The following YWHAG variants were observed in gnomAD, a reference collection of about 807,000 sequenced individuals.
YWHAG encodes tyrosine 3-monooxygenase/tryptophan 5-monooxygenase activation protein gamma, also known as 14-3-3 protein gamma.
YWHAG carries 1 observed loss-of-function variant against 23.3 expected under a neutral mutation model. The observed-to-expected ratio is 0.04, with a 90% CI of 0.02 to 0.20. The LOEUF (loss-of-function observed/expected upper bound fraction) is 0.20. YWHAG is among the 10% of genes least tolerant of loss of function. YWHAG has a pLI of 1.00. For synonymous variants in YWHAG, 160 were observed against 144.0 expected (o/e 1.11, Z -0.80); for missense variants, 151 against 338.6 (o/e 0.45, Z 4.35).
chr7:76,340,168 CCTAA>C (rs928174063), intron 1 of YWHAG, among the ~76,000 whole-genome samples: 4 of 152,118 alleles, frequency 2.6e-5, no homozygotes, highest in Non-Finnish European at 5.9e-5. Context: ...TGATTGTGCC[CCTAA>C]CTCACACATT....
intron 1 of YWHAG, 132 bp downstream of exon 1, chr7:76,358,590 G>T: frequency 1.1e-6 from 1 of 904,534 alleles, no homozygotes; most frequent in Non-Finnish European, 1.6e-6. Flanking sequence ...ACCCTCCCCA[G>T]CCCCCCTCAG....
At chr7:76,334,963 T>C (rs1803596124) in intron 1 of YWHAG, among the ~76,000 whole-genome samples, 2 of 152,164 alleles carry the variant, frequency 1.3e-5, no homozygotes, top group African/African-American at 2.4e-5. Context: ...ATGTAGAAAG[T>C]TTCAGTTTTT....
intron 1 of YWHAG, among the ~76,000 whole-genome samples, chr7:76,340,414 T>A (rs1010786976): frequency 1.3e-5 from 2 of 152,228 alleles, no homozygotes; most frequent in Non-Finnish European, 2.9e-5. Context: ...TTTCCAGTGG[T>A]TTCATTCTTA....
Position 76,343,421 on chromosome 7 carries a change from C to T in YWHAG, c.88-13188G>A, listed in dbSNP as rs1319956630. ...TCTCTGCTTCTTCACATTAATATAACGCTCATACTCCACCCCTAGAATCTG... is the reference window on the plus strand; with the variant it reads ...TCTCTGCTTCTTCACATTAATATAATGCTCATACTCCACCCCTAGAATCTG... On this transcript the variant is annotated intron_variant, in intron 1 of 1. Coordinates refer to ENST00000307630, the MANE Select transcript of YWHAG (RefSeq NM_012479.4). Among the ~76,000 whole-genome samples, 5 of 152,190 alleles carry T rather than the reference C, an allele frequency of 3.3e-5. No individual in the cohort carries two copies. The South Asian group carries it at 8.3e-4, about 25-fold the overall frequency.
rs540534155 is a variant in YWHAG, at chr7:76,354,241, T to TG, written c.87+4480dup. 3.8e-3 allele frequency among the ~76,000 whole-genome samples: 572 copies of TG among 152,310 alleles called. 3 individuals are homozygous for TG. The highest frequency in any genetic ancestry group is 0.013 in the African/African-American group (542 of 41,570). On this transcript the variant is annotated intron_variant, in intron 1 of 1. Transcript: ENST00000307630. ...AAGTGGTCCTTGAGGCTGGGCACGG[T>TG]GGCTCACGCCTGTAATCCCAGCACT...
At chr7:76,347,132 G>C (rs968675705) in intron 1 of YWHAG, among the ~76,000 whole-genome samples, 10 of 152,114 alleles carry the variant, frequency 6.6e-5, no homozygotes, top group Admixed American at 5.9e-4. Flanking sequence ...TCCGTCTCCA[G>C]TAGCACAGCA....
intron 1 of YWHAG, among the ~76,000 whole-genome samples, chr7:76,330,442 C>A (rs750696946): frequency 2.6e-5 from 4 of 152,158 alleles, no homozygotes; most frequent in Non-Finnish European, 5.9e-5. Context: ...GGTGTCTGAA[C>A]CCTGGCTTCC....
chr7:76,353,646 T>C (rs1469102210), intron 1 of YWHAG, among the ~76,000 whole-genome samples: 2 of 152,218 alleles, frequency 1.3e-5, no homozygotes, highest in Non-Finnish European at 2.9e-5. Context: ...TTTTGGTAGT[T>C]AATCAAAATG....
At chr7:76,354,056 C>T (rs1232761544) in intron 1 of YWHAG, among the ~76,000 whole-genome samples, 1 of 94,818 alleles carries the variant, frequency 1.1e-5, no homozygotes, top group Non-Finnish European at 2.0e-5. Context: ...GAGACCTTGC[C>T]TCAAAAAAAA....
At chr7:76,341,353 G>C (rs1181456136) in intron 1 of YWHAG, among the ~76,000 whole-genome samples, 1 of 145,652 alleles carries the variant, frequency 6.9e-6, no homozygotes, top group Non-Finnish European at 1.5e-5. Context: ...GTAGTGAGCT[G>C]AGGTGGCGCC....
At chr7:76,344,770 A>G (rs2115628882) in intron 1 of YWHAG, among the ~76,000 whole-genome samples, 1 of 152,280 alleles carries the variant, frequency 6.6e-6, no homozygotes, top group Admixed American at 6.5e-5. Flanking sequence ...CTTACCCCAA[A>G]CCACACTCTT....
chr7:76,351,150 A>G (rs939174423), intron 1 of YWHAG, among the ~76,000 whole-genome samples: 19 of 152,128 alleles, frequency 1.2e-4, no homozygotes, highest in Non-Finnish European at 2.1e-4. Flanking sequence ...TTTCCCCCCG[A>G]AATTTCTAGC....
At chr7:76,341,594 G>A (rs111614062) in intron 1 of YWHAG, among the ~76,000 whole-genome samples, 2 of 151,980 alleles carry the variant, frequency 1.3e-5, no homozygotes, top group African/African-American at 2.4e-5. Flanking sequence ...ATGCTACACC[G>A]ATGATCTCGA....
At chr7:76,355,958 A>T (rs1011869719) in intron 1 of YWHAG, among the ~76,000 whole-genome samples, 1 of 152,252 alleles carries the variant, frequency 6.6e-6, no homozygotes, top group African/African-American at 2.4e-5. Context: ...CTGTCTTAAA[A>T]GACCTAACAT....
chr7:76,327,547 C>G lies in YWHAG; in HGVS notation c.*2030G>C, dbSNP rs1803463053. The G allele has an allele frequency of 6.6e-6, 1 of 152,422 alleles. No individual in the cohort carries two copies. The highest frequency in any genetic ancestry group is 2.4e-5 in the African/African-American group (1 of 41,340). 9.4% of individuals were successfully genotyped at this position (152,422 alleles called of 1,614,324 possible). A position where few individuals can be genotyped will look rare whatever the true frequency, so the allele number is the denominator to read the frequency against. On this transcript the variant is annotated 3_prime_UTR_variant, in exon 2 of 2. Coordinates refer to ENST00000307630, the MANE Select transcript of YWHAG (RefSeq NM_012479.4). The stretch of plus-strand genomic sequence containing the variant: ...TTCTAAAAAGCAGCCAGAGCCAAAG[C>G]TGAAATTTAAAGGAAAAATAGGTTT...
intron 1 of YWHAG, among the ~76,000 whole-genome samples, chr7:76,354,183 AAGT>A (rs1389462626): frequency 6.6e-6 from 1 of 152,170 alleles, no homozygotes; most frequent in Non-Finnish European, 1.5e-5. Flanking sequence ...TATCATTTAA[AAGT>A]AGTATTTCCC....
At chr7:76,354,704 A>T (rs1803925420) in intron 1 of YWHAG, among the ~76,000 whole-genome samples, 1 of 151,912 alleles carries the variant, frequency 6.6e-6, no homozygotes, top group South Asian at 2.1e-4. Flanking sequence ...CCCAGTCTCA[A>T]CCCTGCATCC....
At chr7:76,334,775 C>A (rs1382236785) in intron 1 of YWHAG, among the ~76,000 whole-genome samples, 1 of 151,984 alleles carries the variant, frequency 6.6e-6, no homozygotes, top group Non-Finnish European at 1.5e-5. Context: ...TGGGGTCTCA[C>A]TCTGTTGCCC....
At chr7:76,356,664 TCTA>T (rs1219417914) in intron 1 of YWHAG, among the ~76,000 whole-genome samples, 1 of 152,236 alleles carries the variant, frequency 6.6e-6, no homozygotes, top group African/African-American at 2.4e-5. Flanking sequence ...GTTTAAAATT[TCTA>T]CTTTTATTCC....
Sources: allele counts gnomAD v4.1 joint callset (sites outside exome capture counted in the v4.1 genomes callset), GRCh38; gene constraint gnomAD v4.1.1; transcripts MANE v1.5; gene names NCBI Gene and HGNC (gene_info 2026-07-23, HGNC 2026-07-21).